The following CCDC175 variants were observed in gnomAD, a reference collection of about 807,000 sequenced individuals.
CCDC175 encodes coiled-coil domain-containing protein 175.
CCDC175 carries 100 observed loss-of-function variants against 114.6 expected under a neutral mutation model. The observed-to-expected ratio is 0.87, with a 90% CI of 0.74 to 1.03. The LOEUF is 1.03. CCDC175 is among the 50% of genes least tolerant of loss of function. The pLI is 0.00. For synonymous variants in CCDC175, 306 were observed against 308.7 expected (o/e 0.99, Z 0.09); for missense variants, 880 against 917.8 (o/e 0.96, Z 0.53).
intron 8 of CCDC175, among the ~76,000 whole-genome samples, chr14:59,546,997 T>C (rs953400155): frequency 1.3e-5 from 2 of 152,060 alleles, no homozygotes; most frequent in African/African-American, 4.8e-5. Context: ...CCTAGCACTT[T>C]GAGAGGCGGA....
chr14:59,572,283 A>T (rs1228512137), intron 3 of CCDC175, among the ~76,000 whole-genome samples: 1 of 152,220 alleles, frequency 6.6e-6, no homozygotes, highest in African/African-American at 2.4e-5. Context: ...CACATACAAC[A>T]GTATGAATGA....
At chr14:59,529,924 C>A (rs1447072188) in intron 14 of CCDC175, among the ~76,000 whole-genome samples, 1 of 152,188 alleles carries the variant, frequency 6.6e-6, no homozygotes, top group African/African-American at 2.4e-5. Context: ...CTGTCTTCCT[C>A]TCTTTTATCT....
chr14:59,535,158 G>A (rs1179098622), intron 13 of CCDC175, among the ~76,000 whole-genome samples: 2 of 152,174 alleles, frequency 1.3e-5, no homozygotes, highest in East Asian at 3.9e-4. Flanking sequence ...GGGAAATTGG[G>A]TTATTGCTAT....
chr14:59,539,447 G>A (rs577977514), intron 11 of CCDC175, among the ~76,000 whole-genome samples: 1 of 152,244 alleles, frequency 6.6e-6, no homozygotes, highest in South Asian at 2.1e-4. Context: ...AGGTGTGGTG[G>A]CACAAGCCTG....
At chr14:59,514,511 T>A (rs140485701) in intron 17 of CCDC175, among the ~76,000 whole-genome samples, 26 of 152,190 alleles carry the variant, frequency 1.7e-4, no homozygotes, top group African/African-American at 5.8e-4. Context: ...GAGAACTACA[T>A]GACAAATGCA....
rs185318728 is a variant in CCDC175, at chr14:59,512,756, C to T, written c.2099-953G>A. 7.3e-3 allele frequency among the ~76,000 whole-genome samples: 1,112 copies of T among 151,538 alleles called. 14 individuals carry two copies. The highest frequency in any genetic ancestry group is 0.025 in the African/African-American group (1,049 of 41,272). ...AATTTCATTAAAAAGTCTATTCTTC[C>T]AACATTGACTTATAGATTCAACACA... On this transcript the variant is annotated intron_variant, in intron 17 of 19. Transcript: ENST00000537690.
chr14:59,575,740 C>G (rs1322503691), intron 1 of CCDC175, among the ~76,000 whole-genome samples: 1 of 152,262 alleles, frequency 6.6e-6, no homozygotes, highest in East Asian at 1.9e-4. Flanking sequence ...AAACTCCTGA[C>G]CTCAGGTATC....
intron 19 of CCDC175, among the ~76,000 whole-genome samples, chr14:59,508,391 C>T (rs141901667): frequency 1.3e-4 from 17 of 133,660 alleles, no homozygotes; most frequent in African/African-American, 4.1e-4. Context: ...ATAACCTCGT[C>T]TCCAAAATAC....
At chr14:59,511,386 C>A (rs1384784699) in intron 18 of CCDC175, among the ~76,000 whole-genome samples, 1 of 152,002 alleles carries the variant, frequency 6.6e-6, no homozygotes, top group Admixed American at 6.6e-5. Context: ...AGATGTTGCA[C>A]TGGTAAAACA....
intron 3 of CCDC175, among the ~76,000 whole-genome samples, chr14:59,568,808 T>C (rs987046313): frequency 1.3e-5 from 2 of 152,214 alleles, no homozygotes; most frequent in African/African-American, 4.8e-5. Context: ...CTCGCACTGA[T>C]AGATAGTCCT....
Position 59,507,898 on chromosome 14 carries a change from CGCTGGAG to C in CCDC175, c.2306-2590_2306-2584del, listed in dbSNP as rs1173475943. On this transcript the variant is annotated intron_variant, in intron 19 of 19. Coordinates refer to ENST00000537690, the MANE Select transcript of CCDC175 (RefSeq NM_001164399.2). The stretch of plus-strand genomic sequence containing the variant: ...GTGGGATGTGACCAACTCAGCATTC[CGCTGGAG>C]GCTATATGACCAAACAGCAAACTGT... Among the ~76,000 whole-genome samples the C allele has an allele frequency of 5.9e-5, 9 of 152,294 alleles. No individual in the cohort carries two copies. The East Asian group carries it at 1.5e-3, about 26-fold the overall frequency.
rs1354199554 is a variant in CCDC175 at position 59,538,835 on chromosome 14, A to G, written c.1361T>C (p.Ile454Thr). The change falls in exon 12 of 20, where the codon ATA becomes ACA. Residue 454 changes from isoleucine (I) to threonine (T), a missense_variant. Ile to Thr is a moderately conservative substitution (Grantham distance 89). Coordinates refer to ENST00000537690, the MANE Select transcript of CCDC175 (RefSeq NM_001164399.2). ...NLERESQRCV[I>T]TQWKMACLRK... ...CAAGCAAGCCATTTTCCACTGAGTT[A>G]TAACACTAGAGATTAGAGCAAAAAG... 2 of 1,534,508 alleles carry G rather than the reference A, an allele frequency of 1.3e-6. No homozygotes were observed. Among genetic ancestry groups the G allele is most frequent in the Admixed American group, 2.0e-5 (1 of 50,238 alleles).
At chr14:59,519,824 T>C (rs1893319819) in intron 17 of CCDC175, among the ~76,000 whole-genome samples, 1 of 152,204 alleles carries the variant, frequency 6.6e-6, no homozygotes, top group Admixed American at 6.5e-5. Flanking sequence ...AGCTAGGTCA[T>C]AAGACGCCAT....
At chr14:59,518,725 G>A (rs1370259799) in intron 17 of CCDC175, among the ~76,000 whole-genome samples, 1 of 152,152 alleles carries the variant, frequency 6.6e-6, no homozygotes, top group Non-Finnish European at 1.5e-5. Flanking sequence ...TGGTGGGACT[G>A]TAAACTAGTT....
At chr14:59,543,016 G>A (rs569011893) in intron 10 of CCDC175, among the ~76,000 whole-genome samples, 3 of 151,968 alleles carry the variant, frequency 2.0e-5, no homozygotes, top group Non-Finnish European at 4.4e-5. Context: ...TTTTTAATCA[G>A]AAAAAAATTA....
rs917166824 is a variant in CCDC175, at chr14:59,552,874, A to G, written c.954-1438T>C. The stretch of plus-strand genomic sequence containing the variant: ...TGGAAGAAAGGGTATCAGTGATTGA[A>G]ATCAAATGAATGAAATGAAGCGAGA... On this transcript the variant is annotated intron_variant, in intron 7 of 19. Transcript: ENST00000537690. Among the ~76,000 whole-genome samples, 5 of 152,032 alleles carry G rather than the reference A, an allele frequency of 3.3e-5. No homozygotes were observed. In the East Asian group the frequency reaches 9.7e-4, roughly 29 times the overall value.
At chr14:59,515,527 A>G (rs544465305) in intron 17 of CCDC175, among the ~76,000 whole-genome samples, 1 of 152,340 alleles carries the variant, frequency 6.6e-6, no homozygotes, top group South Asian at 2.1e-4. Context: ...CTAGTCTCTC[A>G]TAAAACAGAC....
intron 17 of CCDC175, among the ~76,000 whole-genome samples, chr14:59,517,233 G>A (rs1295917980): frequency 1.3e-5 from 2 of 152,128 alleles, no homozygotes; most frequent in East Asian, 1.9e-4. Flanking sequence ...GGCAAAAACT[G>A]GAAGCATTCC....
chr14:59,534,295 AT>A (rs2140015170), intron 13 of CCDC175, among the ~76,000 whole-genome samples: 2 of 152,258 alleles, frequency 1.3e-5, no homozygotes, highest in South Asian at 4.1e-4. Flanking sequence ...ATTGTCTCTG[AT>A]TCCTAAGCCA....
Sources: gnomAD v4.1 joint callset for allele counts (sites outside exome capture counted in the v4.1 genomes callset) on GRCh38, gnomAD v4.1.1 for gene constraint, MANE v1.5 for transcripts, NCBI Gene and HGNC (gene_info 2026-07-23, HGNC 2026-07-21) for gene names.